The following STXBP4 variants were observed in gnomAD, a reference collection of about 807,000 sequenced individuals.
STXBP4 encodes syntaxin-binding protein 4.
Under a neutral mutation model 76.1 loss-of-function variants are expected in STXBP4, and 55 were observed. The observed-to-expected ratio is 0.72, with a 90% CI of 0.58 to 0.91. The LOEUF (loss-of-function observed/expected upper bound fraction) is 0.91. Ranked by LOEUF, STXBP4 falls within the 40% of genes least tolerant of loss-of-function variation. The pLI, the probability that STXBP4 is intolerant of heterozygous loss-of-function variation, is 0.00. For missense variants in STXBP4, 618 were observed against 636.9 expected, an observed-to-expected ratio of 0.97 and a Z score of 0.32; for synonymous variants, 201 against 220.2, an observed-to-expected ratio of 0.91 and a Z score of 0.77.
At chr17:55,120,355 C>G (rs1251157524) in intron 16 of STXBP4, among the ~76,000 whole-genome samples, 1 of 152,136 alleles carries the variant, frequency 6.6e-6, no homozygotes, top group African/African-American at 2.4e-5. Context: ...GTTGGATAAC[C>G]AAATACAGTG....
At chr17:55,051,100 C>G (rs1342825299) in intron 12 of STXBP4, among the ~76,000 whole-genome samples, 3 of 152,066 alleles carry the variant, frequency 2.0e-5, no homozygotes, top group African/African-American at 7.2e-5. Context: ...AATTGATTAC[C>G]TACAACATGG....
At chr17:55,080,755 A>G (rs766164019) in intron 15 of STXBP4, among the ~76,000 whole-genome samples, 6 of 152,254 alleles carry the variant, frequency 3.9e-5, no homozygotes, top group Non-Finnish European at 7.4e-5. Flanking sequence ...GCAAAAGAGA[A>G]GCACTCACAA....
chr17:55,122,377 C>T lies in STXBP4; in HGVS notation c.1490-18933C>T, dbSNP rs1221513665. Among the ~76,000 whole-genome samples the T allele has an allele frequency of 3.9e-5, 6 of 152,172 alleles. No homozygotes were observed. The East Asian group carries it at 7.7e-4, about 20-fold the overall frequency. On this transcript the variant is annotated intron_variant, in intron 16 of 17. Coordinates refer to ENST00000376352, the MANE Select transcript of STXBP4 (RefSeq NM_178509.6). Reference sequence around the variant, plus strand: ...CAGCCAAAGAAATTAGGAGAGTATGCACAGAGGAAGTATCATCTAAGCTGA... The same window carrying T: ...CAGCCAAAGAAATTAGGAGAGTATGTACAGAGGAAGTATCATCTAAGCTGA...
At chr17:55,185,647 C>CA in the STXBP4 span, among the ~76,000 whole-genome samples, 1 of 152,128 alleles carries the variant, frequency 6.6e-6, no homozygotes, top group African/African-American at 2.4e-5. Flanking sequence ...TGTTCATAGT[C>CA]AAAGACCGGA....
At chr17:55,048,124 A>T (rs1165077133) in intron 12 of STXBP4, among the ~76,000 whole-genome samples, 1 of 151,942 alleles carries the variant, frequency 6.6e-6, no homozygotes, top group Non-Finnish European at 1.5e-5. Context: ...GTATGAATGC[A>T]ATCAAAAATG....
intron 10 of STXBP4, among the ~76,000 whole-genome samples, chr17:55,039,231 A>G (rs2078654669): frequency 6.6e-6 from 1 of 152,176 alleles, no homozygotes; most frequent in Non-Finnish European, 1.5e-5. Context: ...TTGGCATTTG[A>G]GTAAATTTTG....
the STXBP4 span, among the ~76,000 whole-genome samples, chr17:55,211,799 G>GTTTTTTTTTTTTT: frequency 6.9e-4 from 34 of 48,996 alleles, 5 homozygotes; most frequent in African/African-American, 1.2e-3. Flanking sequence ...GTTTTTTGTT[G>GTTTTTTTTTTTTT]TTTTTTTTTT....
At chr17:55,106,763 T>A (rs1408211247) in intron 16 of STXBP4, among the ~76,000 whole-genome samples, 1 of 152,228 alleles carries the variant, frequency 6.6e-6, no homozygotes, top group East Asian at 1.9e-4. Context: ...GAAAATTCTT[T>A]TCTTTAAGCA....
chr17:54,999,872 A>T (rs1212621348), intron 6 of STXBP4, 30 bp downstream of exon 6: 1 of 1,422,560 alleles, frequency 7.0e-7, no homozygotes, highest in Non-Finnish European at 9.8e-7. Flanking sequence ...ATTTCTCTAT[A>T]TATGCACTCC....
chr17:55,123,655 C>A (rs1159402277), intron 16 of STXBP4, among the ~76,000 whole-genome samples: 1 of 152,124 alleles, frequency 6.6e-6, no homozygotes, highest in Non-Finnish European at 1.5e-5. Context: ...AATCCCAGCA[C>A]TTTGGGAGGC....
Position 55,077,638 on chromosome 17 carries a change from C to A in STXBP4, c.1189-440C>A, listed in dbSNP as rs539361170. On this transcript the variant is annotated intron_variant, in intron 13 of 17. Transcript: ENST00000376352. Reference sequence around the variant, plus strand: ...GTGGGCTCACTTGGCATCGCTGTTGCATGTCTCCATGGAATTCCTTTACTT... The same window carrying A: ...GTGGGCTCACTTGGCATCGCTGTTGAATGTCTCCATGGAATTCCTTTACTT... 1.9e-3 allele frequency among the ~76,000 whole-genome samples: 285 copies of A among 149,852 alleles called. 2 individuals carry two copies. The highest frequency in any genetic ancestry group is 2.2e-3 in the Non-Finnish European group (151 of 67,730).
chr17:55,120,998 C>T (rs143658130), intron 16 of STXBP4, among the ~76,000 whole-genome samples: 1 of 152,180 alleles, frequency 6.6e-6, no homozygotes, highest in East Asian at 1.9e-4. Context: ...CTAGCAGTGG[C>T]CCTGTGTTTA....
In STXBP4 at chr17:55,019,576, G is replaced by T. The variant is rs982179994; in HGVS notation, c.667-11592G>T. The stretch of plus-strand genomic sequence containing the variant: ...AATTATGAATTATTATTATAATCTT[G>T]TAGCCAATGATAATTTAGAATTACC... On this transcript the variant is annotated intron_variant, in intron 8 of 17. Coordinates refer to ENST00000376352, the MANE Select transcript of STXBP4 (RefSeq NM_178509.6). 5.5e-4 allele frequency among the ~76,000 whole-genome samples: 83 copies of T among 151,974 alleles called. 1 individual carries two copies. Among genetic ancestry groups the T allele is most frequent in the African/African-American group, 1.8e-3 (74 of 41,384 alleles).
chr17:54,999,948 C>A, intron 6 of STXBP4, 106 bp downstream of exon 6: 1 of 843,784 alleles, frequency 1.2e-6, no homozygotes. Flanking sequence ...AAATTGTTAA[C>A]AAATTAATAT....
At chr17:54,975,760 C>T (rs144566913) in intron 1 of STXBP4, among the ~76,000 whole-genome samples, 10 of 152,304 alleles carry the variant, frequency 6.6e-5, no homozygotes, top group African/African-American at 2.4e-4. Context: ...TCTCCTACCA[C>T]TCTCTCCCTG....
At chr17:54,969,450 G>A (rs1454288239) in intron 1 of STXBP4, among the ~76,000 whole-genome samples, 1 of 152,212 alleles carries the variant, frequency 6.6e-6, no homozygotes, top group Non-Finnish European at 1.5e-5. Flanking sequence ...AGGTTCTGAG[G>A]TTAGGGGGTT....
intron 16 of STXBP4, among the ~76,000 whole-genome samples, chr17:55,088,449 A>T (rs900935413): frequency 1.3e-5 from 2 of 152,142 alleles, no homozygotes; most frequent in Admixed American, 1.3e-4. Context: ...GGGCTGGAGT[A>T]CAATGATGTG....
intron 12 of STXBP4, among the ~76,000 whole-genome samples, chr17:55,060,067 C>T (rs2078976157): frequency 6.6e-6 from 1 of 151,976 alleles, no homozygotes; most frequent in Admixed American, 6.6e-5. Context: ...ATTAAAAATA[C>T]ATGTATACAT....
chr17:55,157,740 A>G (rs2080296047), intron 17 of STXBP4, among the ~76,000 whole-genome samples: 1 of 152,200 alleles, frequency 6.6e-6, no homozygotes, highest in Non-Finnish European at 1.5e-5. Context: ...AACATGAACA[A>G]AATGTATACT....
Sources: gnomAD v4.1 joint callset for allele counts (sites outside exome capture counted in the v4.1 genomes callset) on GRCh38, gnomAD v4.1.1 for gene constraint, MANE v1.5 for transcripts, NCBI Gene and HGNC (gene_info 2026-07-23, HGNC 2026-07-21) for gene names.